Variants in SORT1 observed in about 807,000 individuals in gnomAD.
SORT1 encodes the protein sortilin.
SORT1 carries 39 observed loss-of-function variants against 101.7 expected under a neutral mutation model. The ratio of observed to expected loss-of-function variants is 0.38; its 90% CI spans 0.30 to 0.50. SORT1 has a LOEUF of 0.50. Ranked by LOEUF, SORT1 falls within the 20% of genes least tolerant of loss-of-function variation. SORT1 has a pLI of 0.90. For synonymous variants in SORT1, 396 were observed against 393.7 expected, an observed-to-expected ratio of 1.01 and a Z score of -0.07; for missense variants, 878 against 1,040.4, an observed-to-expected ratio of 0.84 and a Z score of 2.15.
chr1:109,334,112 C>T (rs1019151377), intron 11 of SORT1, among the ~76,000 whole-genome samples: 1 of 152,026 alleles, frequency 6.6e-6, no homozygotes. Context: ...TGCTATTGTA[C>T]TCCAGCCTTG....
rs573864298 is a variant in SORT1 at position 109,388,835 on chromosome 1, T to C, written c.306+8752A>G. Among the ~76,000 whole-genome samples, 5 of 152,256 alleles carry C rather than the reference T, an allele frequency of 3.3e-5. No homozygotes were observed. The South Asian group carries it at 1.0e-3, about 32-fold the overall frequency. On this transcript the variant is annotated intron_variant, in intron 1 of 19. Transcript: ENST00000256637. ...AATTTGTCCATGGTCACCACTGAAG[T>C]TTGAATCCAGATCTAATACCTGAGA...
intron 6 of SORT1, among the ~76,000 whole-genome samples, chr1:109,350,298 C>T (rs887021392): frequency 6.6e-6 from 1 of 152,172 alleles, no homozygotes; most frequent in African/African-American, 2.4e-5. Flanking sequence ...CCAAATAAGC[C>T]TCCTTTCACA....
At chr1:109,350,560 T>A (rs1250428973) in intron 6 of SORT1, among the ~76,000 whole-genome samples, 1 of 152,218 alleles carries the variant, frequency 6.6e-6, no homozygotes, top group South Asian at 2.1e-4. Flanking sequence ...GAAATGGAAC[T>A]CTAGACAAGA....
chr1:109,339,279 T>C (rs1022396283), intron 10 of SORT1, among the ~76,000 whole-genome samples: 3 of 152,220 alleles, frequency 2.0e-5, no homozygotes, highest in Non-Finnish European at 4.4e-5. Flanking sequence ...TTTTCAAGTG[T>C]GTTCACTGTA....
chr1:109,318,215 G>A (rs546354073), intron 15 of SORT1, among the ~76,000 whole-genome samples: 1 of 150,996 alleles, frequency 6.6e-6, no homozygotes, highest in Admixed American at 6.6e-5. Context: ...GTGCAGTGGC[G>A]TGTTCTTGGC....
chr1:109,394,053 A>C (rs1458652380), intron 1 of SORT1, among the ~76,000 whole-genome samples: 1 of 152,210 alleles, frequency 6.6e-6, no homozygotes, highest in Non-Finnish European at 1.5e-5. Flanking sequence ...CCAGGGTTCA[A>C]ATGCAGGCAG....
At chr1:109,371,775 C>A (rs2101630566) in intron 1 of SORT1, among the ~76,000 whole-genome samples, 1 of 152,264 alleles carries the variant, frequency 6.6e-6, no homozygotes, top group South Asian at 2.1e-4. Flanking sequence ...GAAATGTAGG[C>A]CAGATTTACT....
intron 1 of SORT1, among the ~76,000 whole-genome samples, chr1:109,375,541 C>CAA (rs57014091): frequency 5.6e-5 from 4 of 71,082 alleles, no homozygotes; most frequent in Non-Finnish European, 9.8e-5. Context: ...GACTCCGTTT[C>CAA]AAAAAAAAAA....
chr1:109,381,822 C>T (rs945114169), intron 1 of SORT1, among the ~76,000 whole-genome samples: 5 of 151,976 alleles, frequency 3.3e-5, no homozygotes, highest in African/African-American at 1.2e-4. Context: ...CATGATTGTG[C>T]CACTGCACTC....
chr1:109,371,705 G>A (rs923631799), intron 1 of SORT1, among the ~76,000 whole-genome samples: 2 of 152,132 alleles, frequency 1.3e-5, no homozygotes, highest in Non-Finnish European at 2.9e-5. Context: ...GCAACTCTCA[G>A]CTTCACTGAA....
chr1:109,323,414 C>T (rs1647775586), intron 14 of SORT1, among the ~76,000 whole-genome samples: 1 of 152,188 alleles, frequency 6.6e-6, no homozygotes, highest in Admixed American at 6.5e-5. Context: ...AAGTTCCTTC[C>T]AAACTAAGAG....
chr1:109,342,708 AG>A (rs1231207633), intron 8 of SORT1, among the ~76,000 whole-genome samples: 1 of 152,196 alleles, frequency 6.6e-6, no homozygotes, highest in African/African-American at 2.4e-5. Context: ...GCCAGGATGA[AG>A]GGAACAGGCA....
intron 17 of SORT1, among the ~76,000 whole-genome samples, chr1:109,315,748 CTTTTT>C (rs553898685): frequency 8.0e-6 from 1 of 124,732 alleles, no homozygotes; most frequent in African/African-American, 3.0e-5. Context: ...GCCTCATAAC[CTTTTT>C]TTTTTTTTTT....
Position 109,342,062 on chromosome 1 carries a change from G to A in SORT1, c.1060C>T (p.Leu354=). 3 of 1,613,864 alleles carry A rather than the reference G, an allele frequency of 1.9e-6. No individual in the cohort carries two copies. Among genetic ancestry groups the A allele is most frequent in the Middle Eastern group, 1.7e-4 (1 of 5,890 alleles). The part of the protein sequence containing the change: ...SVGQEQFYSI[L]AANDDMVFMH... ...AATACCATGTCATCATTTGCTGCCA[G>A]AATAGAATAGAACTGTTCCTGTCCC... Residue 354 remains leucine, a synonymous_variant, in exon 9 of 20, where the codon CTG becomes TTG. Coordinates refer to ENST00000256637, the MANE Select transcript of SORT1 (RefSeq NM_002959.7).
intron 8 of SORT1, 148 bp from the exon 9 acceptor site, chr1:109,342,306 C>G: frequency 1.5e-6 from 1 of 650,592 alleles, no homozygotes; most frequent in East Asian, 2.8e-5. Context: ...TACCAATTAC[C>G]AAAGCAATTT....
At position 109,317,867 on chromosome 1, in the gene SORT1, G is replaced by T; in HGVS notation, c.2127C>A (p.His709Gln). Residue 709 changes from histidine to glutamine, a missense_variant, in exon 16 of 20, where the codon CAC becomes CAA. His to Gln is a conservative substitution (Grantham distance 24). Coordinates refer to ENST00000256637, the MANE Select transcript of SORT1 (RefSeq NM_002959.7). ...LEFCLYGREE[H>Q]LTTNGYRKIP... Reference sequence around the variant, plus strand: ...GGCCACCTCACCCATTTGTTGTTAGGTGTTCTTCTCTTCCGTACAGACAAA... The same window carrying T: ...GGCCACCTCACCCATTTGTTGTTAGTTGTTCTTCTCTTCCGTACAGACAAA... 1 of 1,609,822 alleles carries T rather than the reference G, an allele frequency of 6.2e-7. No homozygotes were observed. Among genetic ancestry groups the T allele is most frequent in the Non-Finnish European group, 8.5e-7 (1 of 1,176,160 alleles).
intron 1 of SORT1, among the ~76,000 whole-genome samples, chr1:109,394,051 C>T (rs1158237634): frequency 6.6e-6 from 1 of 152,120 alleles, no homozygotes; most frequent in Non-Finnish European, 1.5e-5. Context: ...GGCCAGGGTT[C>T]AAATGCAGGC....
At chr1:109,378,705 T>C (rs1266487011) in intron 1 of SORT1, among the ~76,000 whole-genome samples, 1 of 1,150 alleles carries the variant, frequency 8.7e-4, no homozygotes, top group Non-Finnish European at 5.0e-3. Context: ...GAATGATATA[T>C]ATATATATAT....
At chr1:109,391,061 A>G (rs1215682028) in intron 1 of SORT1, among the ~76,000 whole-genome samples, 2 of 152,192 alleles carry the variant, frequency 1.3e-5, no homozygotes, top group Non-Finnish European at 2.9e-5. Flanking sequence ...GGGAAAAAGA[A>G]AAATGAATTT....
Sources: gnomAD v4.1 joint callset for allele counts (sites outside exome capture counted in the v4.1 genomes callset) on GRCh38, gnomAD v4.1.1 for gene constraint, MANE v1.5 for transcripts, NCBI Gene and HGNC (gene_info 2026-07-23, HGNC 2026-07-21) for gene names.